Variants in TSEN2 observed in about 807,000 individuals in gnomAD.
TSEN2 encodes the protein tRNA splicing endonuclease subunit 2.
In TSEN2, 54 loss-of-function variants were observed where a neutral mutation model predicts 59.2. That is an observed-to-expected ratio of 0.91 (90% confidence interval 0.73 to 1.14). The LOEUF (loss-of-function observed/expected upper bound fraction) is 1.14. Among genes scored for constraint, TSEN2 ranks in the 50% most tolerant of loss-of-function variants. The pLI is 0.00. For missense variants in TSEN2, 636 were observed against 576.2 expected (o/e 1.10, Z -1.06); for synonymous variants, 195 against 198.2 (o/e 0.98, Z 0.14).
intron 9 of TSEN2, among the ~76,000 whole-genome samples, chr3:12,529,181 C>A (rs1177566233): frequency 6.6e-6 from 1 of 152,146 alleles, no homozygotes; most frequent in African/African-American, 2.4e-5. Flanking sequence ...TTTAACATCA[C>A]TTAGGCCAGG....
chr3:12,494,069 G>A (rs370273668), intron 3 of TSEN2, among the ~76,000 whole-genome samples: 1 of 152,232 alleles, frequency 6.6e-6, no homozygotes, highest in African/African-American at 2.4e-5. Context: ...CAGTATATGC[G>A]TTTACTTTTG....
chr3:12,531,923 C>T (rs1421349459), intron 11 of TSEN2, among the ~76,000 whole-genome samples: 2 of 152,182 alleles, frequency 1.3e-5, no homozygotes, highest in African/African-American at 4.8e-5. Context: ...TTACAGGTGG[C>T]CTGTGACCCC....
At chr3:12,498,087 T>TA (rs1345513232) in intron 4 of TSEN2, among the ~76,000 whole-genome samples, 1 of 152,010 alleles carries the variant, frequency 6.6e-6, no homozygotes, top group African/African-American at 2.4e-5. Flanking sequence ...TTTTTTGCAT[T>TA]AAAAAAATTG....
downstream of TSEN2, among the ~76,000 whole-genome samples, chr3:12,536,607 A>C (rs2057677454): frequency 6.6e-6 from 1 of 152,152 alleles, no homozygotes; most frequent in African/African-American, 2.4e-5. Flanking sequence ...CTCAGTTCAT[A>C]ATTCTACAGA....
At chr3:12,501,684 A>G (rs970963201) in intron 4 of TSEN2, among the ~76,000 whole-genome samples, 11 of 152,024 alleles carry the variant, frequency 7.2e-5, no homozygotes, top group African/African-American at 2.4e-4. Flanking sequence ...TTCTAAGTAT[A>G]TGTGCTGCCG....
chr3:12,537,888 CTAA>C (rs1418272233), downstream of TSEN2, among the ~76,000 whole-genome samples: 2 of 152,212 alleles, frequency 1.3e-5, no homozygotes, highest in South Asian at 2.1e-4. Flanking sequence ...GCCGTTACTA[CTAA>C]TAATGAGTAA....
intron 11 of TSEN2, 60 bp from the exon 12 acceptor site, chr3:12,532,602 G>A: frequency 6.5e-7 from 1 of 1,535,376 alleles, no homozygotes; most frequent in East Asian, 2.2e-5. Context: ...GTCAGCTGTG[G>A]TGTCAGAATG....
chr3:12,529,630 C>A, intron 9 of TSEN2, 132 bp from the exon 10 acceptor site: 1 of 779,592 alleles, frequency 1.3e-6, no homozygotes, highest in Non-Finnish European at 2.1e-6. Context: ...TTCTCAATAG[C>A]AATTTAGGGG....
intron 3 of TSEN2, among the ~76,000 whole-genome samples, chr3:12,493,183 T>G (rs1359370254): frequency 3.9e-5 from 6 of 152,214 alleles, no homozygotes; most frequent in Admixed American, 3.9e-4. Flanking sequence ...GATGGACACT[T>G]AGATTGTTTC....
At chr3:12,510,209 T>C (rs1021844581) in intron 6 of TSEN2, among the ~76,000 whole-genome samples, 2 of 152,200 alleles carry the variant, frequency 1.3e-5, no homozygotes, top group African/African-American at 4.8e-5. Flanking sequence ...ACCGAACCCT[T>C]GGGTCGGAGT....
At chr3:12,531,473 TGA>T in intron 10 of TSEN2, 95 bp from the exon 11 acceptor site, 1 of 753,752 alleles carries the variant, frequency 1.3e-6, no homozygotes, top group Non-Finnish European at 2.4e-6. Context: ...GAGTGCACAG[TGA>T]GAGGGACTGG....
chr3:12,519,307 CT>C, intron 8 of TSEN2, 110 bp downstream of exon 8: 1 of 1,485,112 alleles, frequency 6.7e-7, no homozygotes, highest in South Asian at 1.1e-5. Flanking sequence ...AGAAGGTATC[CT>C]TTGGGTTTAG....
chr3:12,481,572 T>C (rs2052194385), upstream of TSEN2, among the ~76,000 whole-genome samples: 1 of 152,166 alleles, frequency 6.6e-6, no homozygotes, highest in African/African-American at 2.4e-5. Flanking sequence ...TGCTGTCTGG[T>C]GTTCCCCACC....
chr3:12,514,379 A>G (rs901328687), intron 6 of TSEN2, among the ~76,000 whole-genome samples: 1 of 152,116 alleles, frequency 6.6e-6, no homozygotes, highest in African/African-American at 2.4e-5. Context: ...GGGCAGTGAA[A>G]TCTCTTTGGA....
intron 3 of TSEN2, 83 bp downstream of exon 3, chr3:12,492,300 A>T: frequency 8.1e-7 from 1 of 1,236,714 alleles, no homozygotes; most frequent in Non-Finnish European, 1.2e-6. Flanking sequence ...GCTATATAGT[A>T]AAATTCTAGA....
At chr3:12,506,578 CAAA>C (rs537179433) in intron 6 of TSEN2, 1,086 of 354,166 alleles carry the variant, frequency 3.1e-3, no homozygotes, top group Middle Eastern at 5.6e-3. Flanking sequence ...GATCCTGTTT[CAAA>C]AAAAAAAAAA....
intron 8 of TSEN2, among the ~76,000 whole-genome samples, chr3:12,521,150 T>C (rs9869091): frequency 0.1 from 15,330 of 152,244 alleles, 1,918 homozygotes; most frequent in African/African-American, 0.3. Flanking sequence ...AGTATTCCAC[T>C]GCATCCCCCA....
intron 11 of TSEN2, 127 bp downstream of exon 11, chr3:12,531,786 G>A (rs2057472806): frequency 4.2e-6 from 3 of 710,298 alleles, no homozygotes; most frequent in Non-Finnish European, 7.5e-6. Flanking sequence ...TCTCAGGCAG[G>A]CTCTTAAGTC....
rs143334186 is a variant in TSEN2 at position 12,492,702 on chromosome 3, T to A, written c.271+485T>A. ...CATGTTAAAACATAATTAGAAAGGA[T>A]CTTTTAAAGGTTTTATTGTAAGAAA... On this transcript the variant is annotated intron_variant, in intron 3 of 11. Transcript: ENST00000284995. Among the ~76,000 whole-genome samples the A allele has an allele frequency of 6.9e-3, 1,053 of 152,342 alleles. 6 individuals are homozygous for A. The highest frequency in any genetic ancestry group is 0.024 in the African/African-American group (995 of 41,576).
Sources: gnomAD v4.1 joint callset for allele counts (sites outside exome capture counted in the v4.1 genomes callset) on GRCh38, gnomAD v4.1.1 for gene constraint, MANE v1.5 for transcripts, NCBI Gene and HGNC (gene_info 2026-07-23, HGNC 2026-07-21) for gene names.